MAP3K4: variants seen among roughly 807,000 people sequenced by gnomAD.
The protein encoded by MAP3K4 is mitogen-activated protein kinase kinase kinase 4, also known as MAP three kinase 1.
Under a neutral mutation model 185.6 loss-of-function variants are expected in MAP3K4, and 67 were observed. That is an observed-to-expected ratio of 0.36 (90% CI 0.30 to 0.44). The LOEUF (loss-of-function observed/expected upper bound fraction) is 0.44. Among genes scored for constraint, MAP3K4 ranks in the 20% least tolerant of loss-of-function variants. MAP3K4 has a pLI of 1.00. For missense variants in MAP3K4, 1,551 were observed against 1,995.1 expected (o/e 0.78, Z 4.24); for synonymous variants, 702 against 710.4 (o/e 0.99, Z 0.19).
intron 1 of MAP3K4, among the ~76,000 whole-genome samples, chr6:160,997,380 C>T (rs1392531489): frequency 6.6e-6 from 1 of 152,170 alleles, no homozygotes; most frequent in Non-Finnish European, 1.5e-5. Context: ...ATGATGGTAT[C>T]TGGCTTTTCT....
intron 25 of MAP3K4, among the ~76,000 whole-genome samples, chr6:161,113,140 A>G (rs1297467425): frequency 6.6e-6 from 1 of 152,242 alleles, no homozygotes; most frequent in Admixed American, 6.5e-5. Flanking sequence ...GGAAGCAACC[A>G]ACATGTTCTT....
chr6:161,061,678 T>G lies in MAP3K4; in HGVS notation c.1708-8930T>G, dbSNP rs1784490940. ...CGCTAATCTACTTTCTGTCTCTTAA[T>G]ATTTGCCTAGCCATATAAATGTGGT... On this transcript the variant is annotated intron_variant, in intron 3 of 26. Transcript: ENST00000392142. The surrounding 1 kb of genome is among the most constrained non-coding windows in gnomAD (Gnocchi z 4.2). Among the ~76,000 whole-genome samples, 1 of 152,228 alleles carries G rather than the reference T, an allele frequency of 6.6e-6. No homozygotes were observed. Among genetic ancestry groups the G allele is most frequent in the Admixed American group, 6.5e-5 (1 of 15,282 alleles).
chr6:161,052,205 G>A (rs1437713265), intron 3 of MAP3K4, among the ~76,000 whole-genome samples: 1 of 136,128 alleles, frequency 7.3e-6, no homozygotes, highest in Admixed American at 8.9e-5. Context: ...CAGGCTCTTC[G>A]TGGTGATTAA....
chr6:161,081,176 C>T, intron 6 of MAP3K4, 138 bp downstream of exon 6: 2 of 940,394 alleles, frequency 2.1e-6, no homozygotes. Context: ...TGTGCACCCT[C>T]TTCCAAGTTT....
chr6:161,022,357 C>T lies in MAP3K4; in HGVS notation c.153-11902C>T, dbSNP rs1414112543. 1 of 152,214 alleles carries T rather than the reference C, an allele frequency of 6.6e-6. No individual in the cohort carries two copies. The highest frequency in any genetic ancestry group is 1.9e-4 in the East Asian group (1 of 5,204). The allele number at this position is 152,214 out of a possible 1,614,324, so 9.4% of individuals were successfully genotyped here. A position where few individuals can be genotyped will look rare whatever the true frequency, so the allele number is the denominator to read the frequency against. On this transcript the variant is annotated intron_variant, in intron 1 of 26. Transcript: ENST00000392142. This position sits in a 1 kb window ranked among gnomAD's most constrained non-coding sequence, Gnocchi z 4.2. ...TTAACTTGTAGCCAAGCTAGGTCTC[C>T]CTGGAGCTGAATTTAGATGCAGTAT...
chr6:160,992,815 T>C (rs960729256), intron 1 of MAP3K4, among the ~76,000 whole-genome samples: 1 of 152,106 alleles, frequency 6.6e-6, no homozygotes, highest in Admixed American at 6.5e-5. Flanking sequence ...TTTTATGTCT[T>C]TATTTTTTTT....
intron 11 of MAP3K4, among the ~76,000 whole-genome samples, chr6:161,089,978 T>G (rs1232501213): frequency 6.6e-6 from 1 of 152,244 alleles, no homozygotes. Flanking sequence ...TTTCCATTAT[T>G]TCCTGTTTTT....
chr6:161,033,833 A>G (rs1198615408), intron 1 of MAP3K4, among the ~76,000 whole-genome samples: 1 of 152,228 alleles, frequency 6.6e-6, no homozygotes, highest in Non-Finnish European at 1.5e-5. Flanking sequence ...AGTTCAGAGC[A>G]GGACTGAACT....
At position 161,100,410 on chromosome 6, in the gene MAP3K4, TA is replaced by T. The variant is rs1777787751; in HGVS notation, c.3675-1480del. Among the ~76,000 whole-genome samples the T allele has an allele frequency of 6.6e-6, 1 of 152,254 alleles. No homozygotes were observed. The highest frequency in any genetic ancestry group is 6.5e-5 in the Admixed American group (1 of 15,284). Reference sequence around the variant, plus strand: ...CCCTAGAGGTTTCAATAAGTATTTTTAATTGATTTTACTTGACCTAGGAAAT... The same window carrying T: ...CCCTAGAGGTTTCAATAAGTATTTTTATTGATTTTACTTGACCTAGGAAAT... On this transcript the variant is annotated intron_variant, in intron 17 of 26. Coordinates refer to ENST00000392142, the MANE Select transcript of MAP3K4 (RefSeq NM_005922.4). The surrounding 1 kb of genome is among the most constrained non-coding windows in gnomAD (Gnocchi z 5.8).
At chr6:161,023,259 G>C (rs1782487424) in intron 1 of MAP3K4, among the ~76,000 whole-genome samples, 1 of 152,080 alleles carries the variant, frequency 6.6e-6, no homozygotes, top group South Asian at 2.1e-4. Context: ...TATCATGATA[G>C]TAAACATGGA....
At position 161,065,422 on chromosome 6, in the gene MAP3K4, C is replaced by T. The variant is rs142573331; in HGVS notation, c.1708-5186C>T. On this transcript the variant is annotated intron_variant, in intron 3 of 26. Coordinates refer to ENST00000392142, the MANE Select transcript of MAP3K4 (RefSeq NM_005922.4). ...TGTTCCTGCACTGCACTGTCCCTTT[C>T]TCCGCTCACTGGTTTTATTGTAATA... Among the ~76,000 whole-genome samples, 544 of 152,280 alleles carry T rather than the reference C, an allele frequency of 3.6e-3. 11 individuals are homozygous for T. Among genetic ancestry groups the T allele is most frequent in the Admixed American group, 0.031 (482 of 15,304 alleles).
chr6:161,052,336 G>A lies in MAP3K4; in HGVS notation c.1707+2357G>A, dbSNP rs149741436. On this transcript the variant is annotated intron_variant, in intron 3 of 26. Coordinates refer to ENST00000392142, the MANE Select transcript of MAP3K4 (RefSeq NM_005922.4). Reference sequence around the variant, plus strand: ...AAAAAAGACAGTAATAGTTTCCCCAGAGTTCTGAATTCTCATCTGAGTTGT... The same window carrying A: ...AAAAAAGACAGTAATAGTTTCCCCAAAGTTCTGAATTCTCATCTGAGTTGT... Among the ~76,000 whole-genome samples, 460 of 152,294 alleles carry A rather than the reference G, an allele frequency of 3.0e-3. 2 individuals carry two copies. The highest frequency in any genetic ancestry group is 5.6e-3 in the Non-Finnish European group (383 of 68,022).
At chr6:161,025,267 G>T (rs1193277633) in intron 1 of MAP3K4, among the ~76,000 whole-genome samples, 2 of 152,152 alleles carry the variant, frequency 1.3e-5, no homozygotes, top group Non-Finnish European at 2.9e-5. Flanking sequence ...CCCACAATCA[G>T]CCATTTCTCC....
At chr6:161,023,252 C>G (rs1782486964) in intron 1 of MAP3K4, among the ~76,000 whole-genome samples, 1 of 152,120 alleles carries the variant, frequency 6.6e-6, no homozygotes, top group South Asian at 2.1e-4. Context: ...GAAACTTTAT[C>G]ATGATAGTAA....
At chr6:161,029,167 A>T (rs1782804808) in intron 1 of MAP3K4, among the ~76,000 whole-genome samples, 1 of 151,804 alleles carries the variant, frequency 6.6e-6, no homozygotes, top group East Asian at 1.9e-4. Flanking sequence ...ACAGATGAAT[A>T]TTATACTTCA....
chr6:161,066,397 C>T (rs1361407145), intron 3 of MAP3K4, among the ~76,000 whole-genome samples: 4 of 151,534 alleles, frequency 2.6e-5, no homozygotes, highest in African/African-American at 9.7e-5. Context: ...TCAAAGTTTC[C>T]ATTTCATCTT....
Position 161,049,447 on chromosome 6 carries a change from C to T in MAP3K4, c.1175C>T (p.Ala392Val). Residue 392 changes from alanine to valine, a missense_variant, in exon 3 of 27, where the codon GCA becomes GTA. By Grantham distance (64) the Ala-to-Val change is moderately conservative. This residue lies in a region of MAP3K4 where 93 missense variants were observed against 96.7 expected (regional missense o/e 0.96). Transcript: ENST00000392142. This position sits in a 1 kb window ranked among gnomAD's most constrained non-coding sequence, Gnocchi z 8.4. ...AAKDFQDRVQ[A>V]LCLWLNITKD... ...AAAGACTTCCAGGACAGGGTGCAGG[C>T]ACTCTGTTTGTGGTTAAACATCACA... The T allele has an allele frequency of 6.2e-7, 1 of 1,614,116 alleles. No individual in the cohort carries two copies. The highest frequency in any genetic ancestry group is 8.5e-7 in the Non-Finnish European group (1 of 1,179,968).
At position 161,116,789 on chromosome 6, in the gene MAP3K4, G is replaced by T. The variant is rs752965667; in HGVS notation, c.4807-61G>T. 4 of 1,505,166 alleles carry T rather than the reference G, an allele frequency of 2.7e-6. No homozygotes were observed. The African/African-American group carries it at 5.5e-5, about 21-fold the overall frequency. 93.2% of individuals were successfully genotyped at this position (1,505,166 alleles called of 1,614,324 possible). A position where few individuals can be genotyped will look rare whatever the true frequency, so the allele number is the denominator to read the frequency against. On this transcript the variant is annotated intron_variant, in intron 26 of 26. Transcript: ENST00000392142. This position sits in a 1 kb window ranked among gnomAD's most constrained non-coding sequence, Gnocchi z 6.2. ...GCCTTCCCCGTAAGACTCATACTGC[G>T]CGTATGCACAAGCACACACCTGGCT...
rs1038355832 is a variant in MAP3K4, at chr6:161,103,635, A to G, written c.3856+856A>G. On this transcript the variant is annotated intron_variant, in intron 19 of 26. Coordinates refer to ENST00000392142, the MANE Select transcript of MAP3K4 (RefSeq NM_005922.4). This position sits in a 1 kb window ranked among gnomAD's most constrained non-coding sequence, Gnocchi z 4.6. The stretch of plus-strand genomic sequence containing the variant: ...CATGGACAGCCATCAGTGACTGCCT[A>G]AGTAATGAAGGCTTTGCCCAGAGGT... 2.0e-5 allele frequency among the ~76,000 whole-genome samples: 3 copies of G among 152,174 alleles called. No homozygotes were observed. Among genetic ancestry groups the G allele is most frequent in the Admixed American group, 2.0e-4 (3 of 15,282 alleles).
Sources: gnomAD v4.1 joint callset for allele counts (sites outside exome capture counted in the v4.1 genomes callset) on GRCh38, gnomAD v4.1.1 for gene constraint, gnomAD v4.1.1 regional missense constraint, Gnocchi (gnomAD v3.1) non-coding constraint, MANE v1.5 for transcripts, NCBI Gene and HGNC (gene_info 2026-07-23, HGNC 2026-07-21) for gene names.